PC: variants seen among roughly 807,000 people sequenced by gnomAD.
The protein encoded by PC is pyruvate carboxylase.
In PC, 46 loss-of-function variants were observed where a neutral mutation model predicts 107.8. The observed-to-expected ratio is 0.43, with a 90% confidence interval of 0.34 to 0.55. The LOEUF (loss-of-function observed/expected upper bound fraction) is 0.55. PC is among the 20% of genes least tolerant of loss of function. The probability of loss-of-function intolerance (pLI) is 0.04; values close to 1 mark genes in which losing one functional copy is unlikely to be tolerated. For synonymous variants in PC, 662 were observed against 684.7 expected, an observed-to-expected ratio of 0.97 and a Z score of 0.52; for missense variants, 1,241 against 1,643.1, an observed-to-expected ratio of 0.76 and a Z score of 4.23.
chr11:66,863,640 C>A (rs1591169894), intron 12 of PC, 134 bp downstream of exon 12: 1 of 951,948 alleles, frequency 1.1e-6, no homozygotes, highest in East Asian at 2.4e-5. Context: ...CCAAGGAGAG[C>A]CACTGACCTC....
chr11:66,939,648 T>C (rs1379962909), intron 3 of PC, among the ~76,000 whole-genome samples: 3 of 151,462 alleles, frequency 2.0e-5, no homozygotes, highest in Non-Finnish European at 2.9e-5. Context: ...CTACTAAAAA[T>C]ACAAAATTAG....
At chr11:66,938,898 T>C (rs1341655830) in intron 3 of PC, among the ~76,000 whole-genome samples, 1 of 152,238 alleles carries the variant, frequency 6.6e-6, no homozygotes, top group Non-Finnish European at 1.5e-5. Context: ...TCACCTCATA[T>C]GTTTGCACGC....
At chr11:66,915,415 C>A (rs1948441611) in intron 3 of PC, among the ~76,000 whole-genome samples, 1 of 152,228 alleles carries the variant, frequency 6.6e-6, no homozygotes, top group Non-Finnish European at 1.5e-5. Flanking sequence ...TTCTGCCAGT[C>A]CCCCCTGATG....
chr11:66,928,195 G>A (rs1948764396), intron 3 of PC, among the ~76,000 whole-genome samples: 1 of 151,992 alleles, frequency 6.6e-6, no homozygotes, highest in Admixed American at 6.6e-5. Flanking sequence ...GACCATCCTG[G>A]CTAACACGGT....
In PC at chr11:66,858,646, G is replaced by A. The variant is rs902402677; in HGVS notation, c.1368+5128C>T. ...CTGGAAGGCCAGCGGGCCACGCTGC[G>A]GTGCCGGGCCCTGGGTGACCCCGCG... On this transcript the variant is annotated intron_variant, in intron 12 of 22. Coordinates refer to ENST00000393960, the MANE Select transcript of PC (RefSeq NM_001040716.2). The surrounding 1 kb of genome is among the most constrained non-coding windows in gnomAD (Gnocchi z 5.9). The A allele has an allele frequency of 3.2e-6, 5 of 1,540,072 alleles. No homozygotes were observed. Among genetic ancestry groups the A allele is most frequent in the Middle Eastern group, 1.7e-4 (1 of 5,906 alleles).
chr11:66,852,025 A>G lies in PC; in HGVS notation c.1826-79T>C. The G allele has an allele frequency of 6.9e-7, 1 of 1,459,334 alleles. No individual in the cohort carries two copies. Among genetic ancestry groups the G allele is most frequent in the South Asian group, 1.2e-5 (1 of 85,342 alleles). The allele number at this position is 1,459,334 out of a possible 1,614,324, so 90.4% of individuals were successfully genotyped here. A position where few individuals can be genotyped will look rare whatever the true frequency, so the allele number is the denominator to read the frequency against. On this transcript the variant is annotated intron_variant, in intron 15 of 22. Coordinates refer to ENST00000393960, the MANE Select transcript of PC (RefSeq NM_001040716.2). The surrounding 1 kb of genome is among the most constrained non-coding windows in gnomAD (Gnocchi z 4.7). ...CAGGCCTTGGAGCTAGCTCTGCAGC[A>G]CAAGCCTCTGGCCCCAATACCAGGT...
rs1591119887 is a variant in PC at position 66,851,244 on chromosome 11, G to A, written c.2019C>T (p.Val673=). 6.2e-7 allele frequency: 1 copy of A among 1,603,554 alleles called. No homozygotes were observed. ...AGTTGAGGGAGTCAAACACACGGAA[G>A]ACATCCATGCCATTCTCTTTGGCCA... ...CEVAKENGMD[V]FRVFDSLNYL... is the part of the protein sequence containing the mutation. The change falls in exon 17 of 23, where the codon GTC becomes GTT. Residue 673 remains valine (V), a synonymous_variant. Transcript: ENST00000393960.
At chr11:66,884,745 G>T (rs1428749465) in intron 3 of PC, among the ~76,000 whole-genome samples, 1 of 152,220 alleles carries the variant, frequency 6.6e-6, no homozygotes, top group Non-Finnish European at 1.5e-5. Context: ...CACCCAGCCT[G>T]TGGTATTTTG....
chr11:66,890,749 C>T (rs1947546187), intron 3 of PC, among the ~76,000 whole-genome samples: 1 of 152,012 alleles, frequency 6.6e-6, no homozygotes, highest in African/African-American at 2.4e-5. Flanking sequence ...AGGCGATCCA[C>T]CCACCTCAGC....
intron 3 of PC, among the ~76,000 whole-genome samples, chr11:66,896,705 A>G (rs1175951743): frequency 1.3e-5 from 2 of 152,244 alleles, no homozygotes; most frequent in South Asian, 2.1e-4. Context: ...CAGCAAGAAC[A>G]TAACACCTGA....
Position 66,858,969 on chromosome 11 carries a change from G to T in PC, c.1368+4805C>A. The T allele has an allele frequency of 6.4e-7, 1 of 1,573,270 alleles. No individual in the cohort carries two copies. The highest frequency in any genetic ancestry group is 8.6e-7 in the Non-Finnish European group (1 of 1,156,290). On this transcript the variant is annotated intron_variant, in intron 12 of 22. Coordinates refer to ENST00000393960, the MANE Select transcript of PC (RefSeq NM_001040716.2). The surrounding 1 kb of genome is among the most constrained non-coding windows in gnomAD (Gnocchi z 5.9). ...GGGGACGCTGGAGTCTGAGCCAGCC[G>T]TGCAGGTGACGGAGGTGACCGCCAC...
chr11:66,859,139 C>T (rs2135871844), intron 12 of PC: 26 of 1,473,380 alleles, frequency 1.8e-5, no homozygotes, highest in Non-Finnish European at 2.2e-5. Flanking sequence ...GGCGCCCTTC[C>T]TCCGCCCTCT....
At chr11:66,921,972 G>T (rs1028506947) in intron 3 of PC, among the ~76,000 whole-genome samples, 1 of 152,128 alleles carries the variant, frequency 6.6e-6, no homozygotes, top group Non-Finnish European at 1.5e-5. Flanking sequence ...GACATCACTC[G>T]CAAGGAGTTC....
At chr11:66,910,797 G>A (rs543017998) in intron 3 of PC, among the ~76,000 whole-genome samples, 165 of 152,254 alleles carry the variant, frequency 1.1e-3, no homozygotes, top group African/African-American at 3.6e-3. Context: ...CCAACCCAAC[G>A]CTAGTGCTGA....
At chr11:66,880,810 G>C (rs1312647283) in intron 3 of PC, among the ~76,000 whole-genome samples, 2 of 152,276 alleles carry the variant, frequency 1.3e-5, no homozygotes, top group African/African-American at 4.8e-5. Context: ...GTCCCATGCT[G>C]CACCCTGCTT....
At chr11:66,884,229 A>G (rs1426211516) in intron 3 of PC, among the ~76,000 whole-genome samples, 24 of 148,306 alleles carry the variant, frequency 1.6e-4, no homozygotes, top group Admixed American at 1.6e-3. Context: ...GGGCAACAAG[A>G]GCAAAACTCC....
intron 3 of PC, among the ~76,000 whole-genome samples, chr11:66,906,673 T>A (rs1232686049): frequency 6.6e-6 from 1 of 151,812 alleles, no homozygotes; most frequent in Non-Finnish European, 1.5e-5. Flanking sequence ...GCACACTGCA[T>A]TTCTCCCCTC....
intron 3 of PC, among the ~76,000 whole-genome samples, chr11:66,923,616 T>G (rs1186746357): frequency 6.6e-6 from 1 of 151,702 alleles, no homozygotes; most frequent in Non-Finnish European, 1.5e-5. Context: ...CAGATGCAAG[T>G]GATTCTCCCG....
rs567553117 is a variant in PC, at chr11:66,956,917, A to G, written c.-228+1405T>C. On this transcript the variant is annotated intron_variant, in intron 1 of 22. Transcript: ENST00000393960. ...TTTTGTTTATTTTCTCTCTCCCCCA[A>G]TGGGTTTGTCAGCAGTTGCAGGACA... Among the ~76,000 whole-genome samples, 7 of 152,156 alleles carry G rather than the reference A, an allele frequency of 4.6e-5. No homozygotes were observed. In the South Asian group the frequency reaches 1.2e-3, roughly 27 times the overall value.
Sources: gnomAD v4.1 joint callset for allele counts (sites outside exome capture counted in the v4.1 genomes callset) on GRCh38, gnomAD v4.1.1 for gene constraint, Gnocchi (gnomAD v3.1) non-coding constraint, MANE v1.5 for transcripts, NCBI Gene and HGNC (gene_info 2026-07-23, HGNC 2026-07-21) for gene names.